PARP9: variants seen among roughly 807,000 people sequenced by gnomAD.
PARP9 encodes the protein poly(ADP-ribose) polymerase family member 9, also known as protein mono-ADP-ribosyltransferase PARP9.
Under a neutral mutation model 68.8 loss-of-function variants are expected in PARP9, and 48 were observed. That is an observed-to-expected ratio of 0.70 (90% CI 0.55 to 0.89). PARP9 has a LOEUF of 0.89. Among genes scored for constraint, PARP9 ranks in the 40% least tolerant of loss-of-function variants. The pLI, the probability that PARP9 is intolerant of heterozygous loss-of-function variation, is 0.00. For synonymous variants in PARP9, 309 were observed against 333.8 expected (o/e 0.93, Z 0.81); for missense variants, 806 against 969.3 (o/e 0.83, Z 2.24).
intron 8 of PARP9, among the ~76,000 whole-genome samples, chr3:122,538,438 T>C (rs1478200074): frequency 6.6e-6 from 1 of 152,210 alleles, no homozygotes; most frequent in Non-Finnish European, 1.5e-5. Flanking sequence ...CTTATAATGA[T>C]AACTCATCTC....
At chr3:122,539,488 C>T (rs1380445486) in intron 8 of PARP9, among the ~76,000 whole-genome samples, 1 of 149,286 alleles carries the variant, frequency 6.7e-6, no homozygotes, top group African/African-American at 2.5e-5. Context: ...CTATCTCTAT[C>T]TCTATCTCCC....
chr3:122,538,202 T>C (rs764242241), intron 8 of PARP9, among the ~76,000 whole-genome samples: 56 of 146,824 alleles, frequency 3.8e-4, no homozygotes, highest in Non-Finnish European at 6.2e-4. Context: ...CAATAGCTCA[T>C]ATTTATAAGG....
Position 122,540,500 on chromosome 3 carries a change from T to C in PARP9, c.1737A>G (p.Lys579=), listed in dbSNP as rs2078119591. ...LCKVQEEMAR[K]KERGLWRSLG... is the part of the protein sequence containing the mutation. ...ACGAGCGCCAAAGGCCTCGCTCCTT[T>C]TTCCTTGCCATTTCCTCCTGTACTT... Residue 579 remains lysine (K), a synonymous_variant, in exon 8 of 11, where the codon AAA becomes AAG. Coordinates refer to ENST00000682323, the MANE Select transcript of PARP9 (RefSeq NM_001146105.2). 6.2e-7 allele frequency: 1 copy of C among 1,613,918 alleles called. No individual in the cohort carries two copies. Among genetic ancestry groups the C allele is most frequent in the Non-Finnish European group, 8.5e-7 (1 of 1,179,866 alleles).
Position 122,528,403 on chromosome 3 carries a change from A to T in PARP9, c.2421T>A (p.His807Gln). 6.2e-7 allele frequency: 1 copy of T among 1,614,206 alleles called. No individual in the cohort carries two copies. Among genetic ancestry groups the T allele is most frequent in the Non-Finnish European group, 8.5e-7 (1 of 1,180,020 alleles). Residue 807 changes from histidine to glutamine, a missense_variant, in exon 11 of 11, where the codon CAT (histidine) becomes CAA (glutamine). Transcript: ENST00000682323. The stretch of plus-strand genomic sequence containing the variant: ...TGCCACTTGCGAATCCCCTCCAAGG[A>T]TGCTGTGCAAAGGGTCTCATTGGTC... ...SSGPMRPFAQ[H>Q]PWRGFASGSP...
chr3:122,529,193 G>A (rs7653130), intron 10 of PARP9, among the ~76,000 whole-genome samples: 3,243 of 135,178 alleles, frequency 0.024, 128 homozygotes, highest in African/African-American at 0.084. Context: ...AGCCAAGATC[G>A]CACCACTGCA....
rs2077080287 is a variant in PARP9 at position 122,528,486 on chromosome 3, G to A, written c.2338C>T (p.Pro780Ser). The change falls in exon 11 of 11, where the codon CCT becomes TCT. Residue 780 changes from proline to serine, a missense_variant. Pro to Ser is a moderately conservative substitution (Grantham distance 74). Coordinates refer to ENST00000682323, the MANE Select transcript of PARP9 (RefSeq NM_001146105.2). ...FVIFSGMQAI[P>S]QYLWTCTQEY... ...TGGGTGCATGTCCACAAATACTGAG[G>A]TATAGCCTGCATGCCACTAAAAATA... The A allele has an allele frequency of 6.2e-7, 1 of 1,614,046 alleles. No individual in the cohort carries two copies. The highest frequency in any genetic ancestry group is 8.5e-7 in the Non-Finnish European group (1 of 1,180,036).
Position 122,537,065 on chromosome 3 carries a change from TC to T in PARP9, c.1773del (p.Trp591Ter). On this transcript the variant is annotated frameshift_variant, in exon 9 of 11. Transcript: ENST00000682323. LOFTEE classifies it high-confidence loss of function. ...ERGLWRSLGQ[W>X]TIQQQKTQDE... Reference sequence around the variant, plus strand: ...TCTTGGGTTTTTTGTTGCTGAATAGTCCACTGTCCTAAAAATGAGTAACACA... The same window carrying T: ...TCTTGGGTTTTTTGTTGCTGAATAGTCACTGTCCTAAAAATGAGTAACACA... 6.2e-7 allele frequency: 1 copy of T among 1,609,208 alleles called. No individual in the cohort carries two copies. The highest frequency in any genetic ancestry group is 8.5e-7 in the Non-Finnish European group (1 of 1,178,452).
At position 122,559,602 on chromosome 3, in the gene PARP9, T is replaced by A; in HGVS notation, c.15+4A>T. 1 of 1,591,054 alleles carries A rather than the reference T, an allele frequency of 6.3e-7. No individual in the cohort carries two copies. Among genetic ancestry groups the A allele is most frequent in the Non-Finnish European group, 8.6e-7 (1 of 1,168,708 alleles). On this transcript the variant is annotated splice_donor_region_variant and intron_variant, in intron 2 of 10. Coordinates refer to ENST00000682323, the MANE Select transcript of PARP9 (RefSeq NM_001146105.2). The stretch of plus-strand genomic sequence containing the variant: ...CATGACGTATACACATTTATGCTTT[T>A]TACCATGGAAAAGTCCATCCTCCAG...
intron 1 of PARP9, among the ~76,000 whole-genome samples, chr3:122,561,601 C>T (rs1454888005): frequency 6.6e-6 from 1 of 152,196 alleles, no homozygotes; most frequent in African/African-American, 2.4e-5. Context: ...TTCTCCTATG[C>T]CATCTTCCCT....
chr3:122,553,021 G>A (rs2079344624), intron 4 of PARP9, among the ~76,000 whole-genome samples: 1 of 151,834 alleles, frequency 6.6e-6, no homozygotes, highest in East Asian at 1.9e-4. Context: ...TTTCGTCGTG[G>A]GTTTTTGTTT....
chr3:122,535,055 A>G, intron 10 of PARP9: 1 of 982,702 alleles, frequency 1.0e-6, no homozygotes, highest in Non-Finnish European at 1.2e-6. Flanking sequence ...GACTGAAAAG[A>G]GAATACTCAC....
intron 10 of PARP9, 27 bp downstream of exon 10, chr3:122,536,141 C>A: frequency 6.2e-7 from 1 of 1,614,078 alleles, no homozygotes; most frequent in Non-Finnish European, 8.5e-7. Context: ...CACAGAGTAG[C>A]CCCAATGATG....
At chr3:122,539,052 T>C (rs1053202836) in intron 8 of PARP9, among the ~76,000 whole-genome samples, 4 of 152,200 alleles carry the variant, frequency 2.6e-5, no homozygotes, top group African/African-American at 9.7e-5. Flanking sequence ...CAATGATCTT[T>C]CTAAAAACAC....
intron 10 of PARP9, among the ~76,000 whole-genome samples, chr3:122,529,063 C>T (rs1046728227): frequency 6.6e-6 from 1 of 151,412 alleles, no homozygotes; most frequent in African/African-American, 2.4e-5. Context: ...ATGATGATAC[C>T]CCGTCTCTAC....
At chr3:122,564,444 C>G (rs2080509544), upstream of PARP9, 1 of 1,610,820 alleles carries the variant, frequency 6.2e-7, no homozygotes, top group Non-Finnish European at 8.5e-7. Context: ...CCCACCTGCG[C>G]CCGCCGTCCC....
intron 3 of PARP9, 186 bp downstream of exon 3, chr3:122,558,248 G>C: frequency 6.7e-7 from 1 of 1,486,572 alleles, no homozygotes; most frequent in Non-Finnish European, 9.3e-7. Flanking sequence ...TGTAGGCCTT[G>C]AGAGAATATG....
chr3:122,553,452 T>G (rs992770046), intron 4 of PARP9, among the ~76,000 whole-genome samples: 2 of 152,212 alleles, frequency 1.3e-5, no homozygotes. Flanking sequence ...GAAAGCACAA[T>G]TAGAATTTGC....
At chr3:122,539,507 A>ATTTTTCTTTC (rs1553714535) in intron 8 of PARP9, among the ~76,000 whole-genome samples, 1 of 133,162 alleles carries the variant, frequency 7.5e-6, no homozygotes, top group Non-Finnish European at 1.6e-5. Context: ...CCAAGATGGC[A>ATTTTTCTTTC]TTTCTTTCTT....
At chr3:122,539,500 A>G (rs1218832089) in intron 8 of PARP9, among the ~76,000 whole-genome samples, 1 of 140,178 alleles carries the variant, frequency 7.1e-6, no homozygotes, top group East Asian at 2.1e-4. Context: ...CTATCTCCCA[A>G]GATGGCATTT....
Sources: gnomAD v4.1 joint callset for allele counts (sites outside exome capture counted in the v4.1 genomes callset) on GRCh38, gnomAD v4.1.1 for gene constraint, MANE v1.5 for transcripts, NCBI Gene and HGNC (gene_info 2026-07-23, HGNC 2026-07-21) for gene names.